Variants in RUNX1T1 observed in about 807,000 individuals in gnomAD.
The protein encoded by RUNX1T1 is protein CBFA2T1.
Under a neutral mutation model 62.8 loss-of-function variants are expected in RUNX1T1, and 4 were observed. The observed-to-expected ratio is 0.06, with a 90% CI of 0.03 to 0.15. The LOEUF (loss-of-function observed/expected upper bound fraction) is 0.15, where lower values mean the gene tolerates loss of function less well. RUNX1T1 is among the 10% of genes least tolerant of loss of function. The pLI, the probability that RUNX1T1 is intolerant of heterozygous loss-of-function variation, is 1.00. For synonymous variants in RUNX1T1, 291 were observed against 286.0 expected, an observed-to-expected ratio of 1.02 and a Z score of -0.18; for missense variants, 508 against 754.3, an observed-to-expected ratio of 0.67 and a Z score of 3.82.
At chr8:92,085,473 T>A (rs1835954686) in intron 1 of RUNX1T1, among the ~76,000 whole-genome samples, 1 of 152,204 alleles carries the variant, frequency 6.6e-6, no homozygotes, top group Admixed American at 6.5e-5. Context: ...TAATGATATA[T>A]CTCAGGAACG....
At chr8:92,075,925 T>A in intron 2 of RUNX1T1, 40 bp downstream of exon 2, 1 of 1,557,096 alleles carries the variant, frequency 6.4e-7, no homozygotes, top group Non-Finnish European at 8.7e-7. Context: ...TTCTGGTACG[T>A]AAGTAAATTG....
chr8:91,955,963 C>G (rs1809310497), downstream of RUNX1T1: 1 of 229,598 alleles, frequency 4.4e-6, no homozygotes, highest in African/African-American at 2.2e-5. Context: ...ACTACATAAC[C>G]AAGAGTGACA....
At chr8:91,998,872 T>C (rs1284924339) in intron 5 of RUNX1T1, among the ~76,000 whole-genome samples, 1 of 152,172 alleles carries the variant, frequency 6.6e-6, no homozygotes, top group Non-Finnish European at 1.5e-5. Flanking sequence ...TTTATTGTAT[T>C]TCAGAGATGC....
upstream of RUNX1T1, among the ~76,000 whole-genome samples, chr8:92,066,780 C>T (rs1050516281): frequency 3.3e-5 from 5 of 152,104 alleles, no homozygotes; most frequent in African/African-American, 4.8e-5. Context: ...TTTAGTTAGG[C>T]TACAATGTAA....
downstream of RUNX1T1, chr8:91,956,064 A>G (rs542226538): frequency 4.4e-6 from 1 of 229,810 alleles, no homozygotes; most frequent in East Asian, 6.2e-5. Flanking sequence ...GGTATGCACA[A>G]GGCAGCCAAG....
chr8:91,990,614 T>C (rs1817467596), intron 6 of RUNX1T1, among the ~76,000 whole-genome samples: 1 of 152,116 alleles, frequency 6.6e-6, no homozygotes, highest in Admixed American at 6.6e-5. Context: ...ATTTGTTCTA[T>C]AGAAGGCAAT....
chr8:91,997,567 TG>T (rs1459456283), intron 5 of RUNX1T1, among the ~76,000 whole-genome samples: 1 of 152,234 alleles, frequency 6.6e-6, no homozygotes, highest in African/African-American at 2.4e-5. Flanking sequence ...ATTTCTCTTT[TG>T]CTTTCTGTAC....
chr8:92,087,576 C>G (rs1836327014), intron 1 of RUNX1T1, among the ~76,000 whole-genome samples: 1 of 152,128 alleles, frequency 6.6e-6, no homozygotes, highest in South Asian at 2.1e-4. Flanking sequence ...TGATCAAGCT[C>G]CACGATCTAT....
In RUNX1T1 at chr8:91,998,499, G is replaced by T. The variant is rs544311366; in HGVS notation, c.660-6610C>A. ...AGTGTGCTAATACCTTTAGAAGTAA[G>T]TAAGAGGCAGATGGATACGTGCCAC... On this transcript the variant is annotated intron_variant, in intron 5 of 10. Coordinates refer to ENST00000396218, the Ensembl canonical transcript of RUNX1T1. Among the ~76,000 whole-genome samples the T allele has an allele frequency of 1.3e-4, 20 of 152,292 alleles. No homozygotes were observed. The South Asian group carries it at 3.9e-3, about 30-fold the overall frequency.
intron 1 of RUNX1T1, among the ~76,000 whole-genome samples, chr8:92,048,958 G>A (rs769884352): frequency 6.6e-6 from 1 of 152,140 alleles, no homozygotes; most frequent in Non-Finnish European, 1.5e-5. Flanking sequence ...GAGGAGGTAT[G>A]GTGGCTACGT....
At chr8:92,019,793 A>G (rs1249793683) in intron 1 of RUNX1T1, among the ~76,000 whole-genome samples, 1 of 152,166 alleles carries the variant, frequency 6.6e-6, no homozygotes, top group Non-Finnish European at 1.5e-5. Flanking sequence ...TTTTTGGTAT[A>G]TTCATAATTT....
At chr8:91,991,845 T>G in exon 6 of RUNX1T1, 1 of 1,614,168 alleles carries the variant, frequency 6.2e-7, no homozygotes, top group South Asian at 1.1e-5. Flanking sequence ...CTTGCTTGGA[T>G]GTTCTGAGTG....
intron 9 of RUNX1T1, among the ~76,000 whole-genome samples, chr8:91,973,923 G>A (rs1207888073): frequency 6.6e-6 from 1 of 152,020 alleles, no homozygotes; most frequent in Non-Finnish European, 1.5e-5. Context: ...ATACCACTGT[G>A]AGAAGAATAC....
At chr8:92,067,449 T>C (rs1833032936), upstream of RUNX1T1, among the ~76,000 whole-genome samples, 1 of 152,192 alleles carries the variant, frequency 6.6e-6, no homozygotes, top group Non-Finnish European at 1.5e-5. Flanking sequence ...TGCATCTCCA[T>C]CAGTTAAAGT....
At chr8:91,994,212 C>T (rs116677622) in intron 5 of RUNX1T1, among the ~76,000 whole-genome samples, 3,527 of 152,252 alleles carry the variant, frequency 0.023, 131 homozygotes, top group African/African-American at 0.08. Context: ...TGACTCCTTA[C>T]ATATTGATCA....
At chr8:92,026,337 C>T (rs1825139206) in intron 1 of RUNX1T1, among the ~76,000 whole-genome samples, 1 of 152,178 alleles carries the variant, frequency 6.6e-6, no homozygotes, top group Non-Finnish European at 1.5e-5. Context: ...TAAATTTGCC[C>T]ACTTTATAAA....
chr8:92,084,419 C>T (rs1265473863), intron 1 of RUNX1T1, among the ~76,000 whole-genome samples: 1 of 151,608 alleles, frequency 6.6e-6, no homozygotes, highest in Non-Finnish European at 1.5e-5. Context: ...ATGAAAGCGA[C>T]CAAGGTGGAA....
At chr8:92,087,539 C>T (rs376470519) in intron 1 of RUNX1T1, among the ~76,000 whole-genome samples, 1 of 152,118 alleles carries the variant, frequency 6.6e-6, no homozygotes, top group African/African-American at 2.4e-5. Flanking sequence ...TCTAAAATCT[C>T]ACTTGCTGCA....
chr8:91,974,560 G>A (rs896063767), intron 9 of RUNX1T1, among the ~76,000 whole-genome samples: 2 of 152,080 alleles, frequency 1.3e-5, no homozygotes, highest in Non-Finnish European at 2.9e-5. Flanking sequence ...GGAATAAGTT[G>A]CACTGACAGC....
Sources: gnomAD v4.1 joint callset for allele counts (sites outside exome capture counted in the v4.1 genomes callset) on GRCh38, gnomAD v4.1.1 for gene constraint, MANE v1.5 for transcripts, NCBI Gene and HGNC (gene_info 2026-07-23, HGNC 2026-07-21) for gene names.